LRP1B: variants seen among roughly 807,000 people sequenced by gnomAD.
LRP1B encodes low-density lipoprotein receptor-related protein 1B.
In LRP1B, 217 loss-of-function variants were observed where a neutral mutation model predicts 556.6. The ratio of observed to expected loss-of-function variants is 0.39; its 90% confidence interval spans 0.35 to 0.44. The LOEUF (loss-of-function observed/expected upper bound fraction) is 0.44, where lower values mean the gene tolerates loss of function less well. Ranked by LOEUF, LRP1B falls within the 20% of genes least tolerant of loss-of-function variation. The pLI is 1.00. For synonymous variants in LRP1B, 2,047 were observed against 1,865.8 expected, an observed-to-expected ratio of 1.10 and a Z score of -2.50; for missense variants, 5,053 against 5,620.8, an observed-to-expected ratio of 0.90 and a Z score of 3.23.
chr2:141,995,398 C>T (rs1304865850), intron 1 of LRP1B, among the ~76,000 whole-genome samples: 2 of 152,184 alleles, frequency 1.3e-5, no homozygotes, highest in African/African-American at 2.4e-5. Context: ...CCTGCCTTAG[C>T]TCATCTGCTT....
chr2:140,276,912 T>C (rs528376536), intron 84 of LRP1B, among the ~76,000 whole-genome samples: 1 of 151,912 alleles, frequency 6.6e-6, no homozygotes, highest in South Asian at 2.1e-4. Flanking sequence ...GTAGTTCCCA[T>C]GGGAACTAGA....
chr2:141,422,732 C>T (rs1055163825), intron 3 of LRP1B, among the ~76,000 whole-genome samples: 3 of 152,186 alleles, frequency 2.0e-5, no homozygotes, highest in Admixed American at 6.5e-5. Context: ...CTCTTCCTGA[C>T]TCTCCATCTG....
At chr2:141,707,724 TAG>T (rs775715256) in intron 2 of LRP1B, among the ~76,000 whole-genome samples, 1 of 152,160 alleles carries the variant, frequency 6.6e-6, no homozygotes, top group Non-Finnish European at 1.5e-5. Flanking sequence ...GCAGTCTAGT[TAG>T]AGTGACAAAT....
chr2:140,514,773 C>A lies in LRP1B; in HGVS notation c.8150-1G>T, dbSNP rs1689816084. 1 of 1,604,026 alleles carries A rather than the reference C, an allele frequency of 6.2e-7. No individual in the cohort carries two copies. ...AATTGGTTCCAAGAGCAAGAAGAAT[C>A]TAGGAAACAAACAAAAGGAAAAAAA... On this transcript the variant is annotated splice_acceptor_variant, in intron 50 of 90. Transcript: ENST00000389484. LOFTEE classifies it high-confidence loss of function.
chr2:141,731,383 C>T (rs1490794179), intron 2 of LRP1B, among the ~76,000 whole-genome samples: 1 of 152,090 alleles, frequency 6.6e-6, no homozygotes, highest in African/African-American at 2.4e-5. Flanking sequence ...CTGAGAATCT[C>T]CTATGTCCTC....
At chr2:142,028,806 C>A (rs1293173397) in intron 1 of LRP1B, among the ~76,000 whole-genome samples, 1 of 151,936 alleles carries the variant, frequency 6.6e-6, no homozygotes, top group Non-Finnish European at 1.5e-5. Context: ...ATAATTTCTT[C>A]ATGCTCTCAC....
intron 69 of LRP1B, among the ~76,000 whole-genome samples, chr2:140,372,299 C>T (rs1297130356): frequency 6.6e-6 from 1 of 151,980 alleles, no homozygotes; most frequent in Non-Finnish European, 1.5e-5. Context: ...GATCAATTAA[C>T]AATATAGCCC....
intron 20 of LRP1B, among the ~76,000 whole-genome samples, chr2:140,934,067 T>C (rs1002403644): frequency 1.3e-5 from 2 of 152,108 alleles, no homozygotes; most frequent in African/African-American, 4.8e-5. Context: ...TGTGAGAGAA[T>C]AAAGTTGAGC....
chr2:141,943,940 T>G (rs1337519006), intron 1 of LRP1B, among the ~76,000 whole-genome samples: 1 of 152,122 alleles, frequency 6.6e-6, no homozygotes, highest in Non-Finnish European at 1.5e-5. Flanking sequence ...ATAGAGGGGT[T>G]CCTGTTAACA....
chr2:141,958,112 G>A (rs1347562421), intron 1 of LRP1B, among the ~76,000 whole-genome samples: 1 of 151,954 alleles, frequency 6.6e-6, no homozygotes, highest in Non-Finnish European at 1.5e-5. Flanking sequence ...GACACTTCAG[G>A]GGTGAATTAG....
At chr2:142,060,828 A>G (rs947355136) in intron 1 of LRP1B, among the ~76,000 whole-genome samples, 8 of 152,054 alleles carry the variant, frequency 5.3e-5, no homozygotes, top group Non-Finnish European at 8.8e-5. Context: ...AGAGCAATTA[A>G]TTTGTCAATA....
chr2:141,334,616 A>T (rs1687779560), intron 3 of LRP1B, among the ~76,000 whole-genome samples: 1 of 152,230 alleles, frequency 6.6e-6, no homozygotes, highest in African/African-American at 2.4e-5. Flanking sequence ...TAGTGGCACC[A>T]TCTTGGCTCA....
chr2:141,280,409 T>A (rs543110617), intron 3 of LRP1B, among the ~76,000 whole-genome samples: 9 of 152,142 alleles, frequency 5.9e-5, no homozygotes, highest in African/African-American at 2.2e-4. Context: ...TTAACACATA[T>A]AATAGACTAC....
chr2:141,660,858 G>A (rs1341595293), intron 2 of LRP1B, among the ~76,000 whole-genome samples: 2 of 152,068 alleles, frequency 1.3e-5, no homozygotes, highest in Non-Finnish European at 2.9e-5. Flanking sequence ...CCCTGATCTC[G>A]TGCCTCCTGA....
chr2:140,324,584 TAAATG>T (rs1558801985), intron 80 of LRP1B, among the ~76,000 whole-genome samples: 1 of 152,082 alleles, frequency 6.6e-6, no homozygotes, highest in African/African-American at 2.4e-5. Flanking sequence ...AGAAAACAGT[TAAATG>T]AAAATCATTC....
intron 1 of LRP1B, among the ~76,000 whole-genome samples, chr2:142,116,118 G>T (rs1166646340): frequency 6.9e-6 from 1 of 145,398 alleles, no homozygotes; most frequent in African/African-American, 2.5e-5. Flanking sequence ...TCAAGAGCCT[G>T]GGAGGAGGAG....
At chr2:141,139,195 G>A (rs1029242935) in intron 7 of LRP1B, among the ~76,000 whole-genome samples, 5 of 151,626 alleles carry the variant, frequency 3.3e-5, no homozygotes, top group African/African-American at 9.7e-5. Flanking sequence ...CAATTAACTC[G>A]ATATGAATCC....
intron 3 of LRP1B, among the ~76,000 whole-genome samples, chr2:141,352,975 G>GTAC (rs1216830836): frequency 6.6e-6 from 1 of 151,812 alleles, no homozygotes; most frequent in African/African-American, 2.4e-5. Context: ...AACATCAGAG[G>GTAC]TACTATCTTA....
chr2:141,086,855 A>C (rs1383022798), intron 7 of LRP1B, among the ~76,000 whole-genome samples: 1 of 152,168 alleles, frequency 6.6e-6, no homozygotes, highest in African/African-American at 2.4e-5. Context: ...GCAGGATGGT[A>C]TCAAACATAC....
Sources: gnomAD v4.1 joint callset for allele counts (sites outside exome capture counted in the v4.1 genomes callset) on GRCh38, gnomAD v4.1.1 for gene constraint, MANE v1.5 for transcripts, NCBI Gene and HGNC (gene_info 2026-07-23, HGNC 2026-07-21) for gene names.